The following CDH13 variants were observed in gnomAD, a reference collection of about 807,000 sequenced individuals.
The protein encoded by CDH13 is cadherin 13.
A neutral mutation model predicts 63.8 loss-of-function variants in CDH13; 24 were observed. That is an observed-to-expected ratio of 0.38 (90% CI 0.27 to 0.53). The LOEUF is 0.53. CDH13 is among the 20% of genes least tolerant of loss of function. CDH13 has a pLI of 0.85. For missense variants in CDH13, 1,049 were observed against 903.1 expected, an observed-to-expected ratio of 1.16 and a Z score of -2.07; for synonymous variants, 503 against 355.3, an observed-to-expected ratio of 1.42 and a Z score of -4.67.
intron 1 of CDH13, among the ~76,000 whole-genome samples, chr16:82,750,750 AT>A (rs2034379930): frequency 6.6e-6 from 1 of 152,092 alleles, no homozygotes; most frequent in Non-Finnish European, 1.5e-5. Context: ...GCTTATTAAG[AT>A]TGAAAATTGC....
intron 8 of CDH13, among the ~76,000 whole-genome samples, chr16:83,626,922 A>G (rs1191895805): frequency 6.6e-6 from 1 of 152,090 alleles, no homozygotes; most frequent in Non-Finnish European, 1.5e-5. Flanking sequence ...TGTTCTGACA[A>G]CATCCTAGAG....
At chr16:83,230,417 C>T (rs144203142) in intron 5 of CDH13, among the ~76,000 whole-genome samples, 587 of 152,248 alleles carry the variant, frequency 3.9e-3, no homozygotes, top group Non-Finnish European at 6.8e-3. Flanking sequence ...AGTTCTAGAT[C>T]ATACTGTGTG....
chr16:82,928,960 T>C (rs2042391504), intron 2 of CDH13, among the ~76,000 whole-genome samples: 1 of 152,226 alleles, frequency 6.6e-6, no homozygotes, highest in African/African-American at 2.4e-5. Context: ...GGTTCAATAT[T>C]ACCAAAGTGC....
chr16:82,735,662 G>A (rs1055529056), intron 1 of CDH13, among the ~76,000 whole-genome samples: 1 of 152,148 alleles, frequency 6.6e-6, no homozygotes, highest in Admixed American at 6.5e-5. Flanking sequence ...GGGGTGAAAT[G>A]GAAGGTTTAA....
At chr16:83,093,896 C>G (rs893681907) in intron 3 of CDH13, among the ~76,000 whole-genome samples, 4 of 152,138 alleles carry the variant, frequency 2.6e-5, no homozygotes, top group Non-Finnish European at 5.9e-5. Context: ...AGTGGGAACT[C>G]CGTAAAAGAG....
At chr16:82,819,542 C>A (rs979521606) in intron 1 of CDH13, among the ~76,000 whole-genome samples, 1 of 152,102 alleles carries the variant, frequency 6.6e-6, no homozygotes, top group African/African-American at 2.4e-5. Context: ...CTGGGCTACC[C>A]CTCCCTTTCC....
chr16:83,748,709 G>C (rs1351411366), intron 11 of CDH13, among the ~76,000 whole-genome samples: 1 of 152,180 alleles, frequency 6.6e-6, no homozygotes, highest in African/African-American at 2.4e-5. Flanking sequence ...TCAGTTAGTG[G>C]CTGCACAACC....
chr16:83,306,256 G>A (rs979802161), intron 5 of CDH13, among the ~76,000 whole-genome samples: 2 of 152,220 alleles, frequency 1.3e-5, no homozygotes, highest in Non-Finnish European at 2.9e-5. Flanking sequence ...TTTGGAGGTG[G>A]TTTGTTCTGG....
intron 1 of CDH13, among the ~76,000 whole-genome samples, chr16:82,730,125 C>T (rs913062818): frequency 6.6e-6 from 1 of 152,162 alleles, no homozygotes; most frequent in Non-Finnish European, 1.5e-5. Context: ...GACTGTCTTA[C>T]TTTTATATCA....
In CDH13 at chr16:83,132,451, C is replaced by A. The variant is rs1361213733; in HGVS notation, c.483+6950C>A. Among the ~76,000 whole-genome samples the A allele has an allele frequency of 9.5e-3, 971 of 101,696 alleles. 20 individuals are homozygous for A. The highest frequency in any genetic ancestry group is 0.038 in the African/African-American group (927 of 24,526). The allele number at this position is 101,696 out of a possible 152,430, so 66.7% of individuals were successfully genotyped here. Reference sequence around the variant, plus strand: ...CCCCCACCCACCCCCCAACACCCCCCCCTTTTTTTTTTTTTGAGACAGAGT... The same window carrying A: ...CCCCCACCCACCCCCCAACACCCCCACCTTTTTTTTTTTTTGAGACAGAGT... On this transcript the variant is annotated intron_variant, in intron 4 of 13. Transcript: ENST00000567109.
intron 2 of CDH13, among the ~76,000 whole-genome samples, chr16:82,926,243 A>C (rs1000193885): frequency 2.0e-5 from 3 of 152,010 alleles, no homozygotes; most frequent in African/African-American, 7.3e-5. Flanking sequence ...ACAATATTTA[A>C]AATGAATGGA....
intron 1 of CDH13, among the ~76,000 whole-genome samples, chr16:82,800,771 G>C (rs1227788287): frequency 1.3e-5 from 2 of 152,158 alleles, no homozygotes; most frequent in Non-Finnish European, 2.9e-5. Context: ...GTGATCCTGT[G>C]CTAATTAAAA....
At chr16:83,068,806 G>A (rs921869646) in intron 3 of CDH13, among the ~76,000 whole-genome samples, 3 of 152,160 alleles carry the variant, frequency 2.0e-5, no homozygotes, top group African/African-American at 4.8e-5. Flanking sequence ...TGGACACCCT[G>A]CTTGCCAATT....
intron 1 of CDH13, among the ~76,000 whole-genome samples, chr16:82,756,194 G>T (rs558940231): frequency 8.0e-4 from 122 of 152,242 alleles, no homozygotes; most frequent in African/African-American, 2.9e-3. Flanking sequence ...TAACCAACAG[G>T]TTCTTGGCTA....
intron 7 of CDH13, among the ~76,000 whole-genome samples, chr16:83,582,338 G>A (rs1265682820): frequency 6.6e-6 from 1 of 152,042 alleles, no homozygotes; most frequent in Non-Finnish European, 1.5e-5. Flanking sequence ...AAATATGTAT[G>A]TTTTAAGGGT....
Position 83,352,138 on chromosome 16 carries a change from G to A in CDH13, c.781+7132G>A, listed in dbSNP as rs187725195. 9.3e-4 allele frequency among the ~76,000 whole-genome samples: 141 copies of A among 152,286 alleles called. 2 individuals carry two copies. The highest frequency in any genetic ancestry group is 7.5e-3 in the East Asian group (39 of 5,176). ...AGAGCCCTTGAGCTTGGAGGAGACA[G>A]CACTTGAGTTATGGTACAATTCACT... On this transcript the variant is annotated intron_variant, in intron 6 of 13. Coordinates refer to ENST00000567109, the MANE Select transcript of CDH13 (RefSeq NM_001257.5).
chr16:83,007,818 C>G (rs1417125113), intron 2 of CDH13, among the ~76,000 whole-genome samples: 2 of 144,806 alleles, frequency 1.4e-5, no homozygotes, highest in Admixed American at 6.9e-5. Context: ...AGCAAGACGA[C>G]TCTGTCAAAA....
intron 13 of CDH13, among the ~76,000 whole-genome samples, chr16:83,783,778 G>C (rs150389594): frequency 5.3e-5 from 8 of 152,296 alleles, no homozygotes; most frequent in African/African-American, 1.7e-4. Flanking sequence ...TAATGAAAAT[G>C]CGCCCAGATT....
At chr16:83,172,955 C>T in intron 4 of CDH13, among the ~76,000 whole-genome samples, 1 of 152,128 alleles carries the variant, frequency 6.6e-6, no homozygotes, top group East Asian at 1.9e-4. Flanking sequence ...AGCCAACACT[C>T]TCCCCACCCC....
Sources: gnomAD v4.1 joint callset for allele counts (sites outside exome capture counted in the v4.1 genomes callset) on GRCh38, gnomAD v4.1.1 for gene constraint, MANE v1.5 for transcripts, NCBI Gene and HGNC (gene_info 2026-07-23, HGNC 2026-07-21) for gene names.